Variants in ATRX observed in about 807,000 individuals in gnomAD.
ATRX encodes chromatin remodeler ATRX.
A neutral mutation model predicts 172.6 loss-of-function variants in ATRX; 12 were observed. The ratio of observed to expected loss-of-function variants is 0.07; its 90% CI spans 0.04 to 0.11. The LOEUF is 0.11. ATRX is among the 10% of genes least tolerant of loss of function. The pLI is 1.00. For missense variants in ATRX, 1,368 were observed against 1,767.4 expected (o/e 0.77, Z 4.05); for synonymous variants, 674 against 594.7 (o/e 1.13, Z -1.94).
intron 1 of ATRX, among the ~76,000 whole-genome samples, chrX:77,757,087 A>G (rs1289975427): frequency 4.0e-5 from 4 of 101,072 alleles, no homozygotes; most frequent in Non-Finnish European, 5.7e-5. Context: ...CACCCGACCT[A>G]TATCTTTTGA....
At chrX:77,669,473 G>A (rs1557128298) in intron 10 of ATRX, among the ~76,000 whole-genome samples, 2 of 110,162 alleles carry the variant, frequency 1.8e-5, no homozygotes, top group African/African-American at 6.6e-5. Context: ...ACAGGTGTGT[G>A]CCACCACACC....
intron 1 of ATRX, among the ~76,000 whole-genome samples, chrX:77,766,750 C>T (rs1230494151): frequency 1.5e-4 from 16 of 106,193 alleles, no homozygotes; most frequent in African/African-American, 5.2e-4. Context: ...GGCAGCCAGG[C>T]AGAGGGGCTC....
At chrX:77,554,815 C>T (rs2064709001) in intron 30 of ATRX, among the ~76,000 whole-genome samples, 1 of 112,236 alleles carries the variant, frequency 8.9e-6, no homozygotes, top group South Asian at 3.7e-4. Flanking sequence ...AAGAATGTTA[C>T]TTTTTTCTCC....
chrX:77,740,972 G>C (rs1324902956), intron 1 of ATRX, among the ~76,000 whole-genome samples: 2 of 110,041 alleles, frequency 1.8e-5, no homozygotes, highest in Non-Finnish European at 3.8e-5. Flanking sequence ...AAAAATAAAA[G>C]TGAGAGGCTC....
chrX:77,523,880 T>C (rs2063305132), intron 30 of ATRX, among the ~76,000 whole-genome samples: 1 of 111,634 alleles, frequency 9.0e-6, no homozygotes, highest in Non-Finnish European at 1.9e-5. Context: ...TAAACAGTTA[T>C]AGGAGAGTTT....
intron 5 of ATRX, among the ~76,000 whole-genome samples, chrX:77,694,616 T>C (rs1557148811): frequency 9.0e-6 from 1 of 110,922 alleles, no homozygotes; most frequent in Non-Finnish European, 1.9e-5. Flanking sequence ...AGAATGTCCT[T>C]CCTTAACTAT....
At chrX:77,598,026 A>G (rs1557084866) in intron 25 of ATRX, among the ~76,000 whole-genome samples, 1 of 112,133 alleles carries the variant, frequency 8.9e-6, no homozygotes, top group African/African-American at 3.2e-5. Flanking sequence ...AAAACATGGA[A>G]TCAACCCAGG....
At chrX:77,634,110 C>G (rs1429164329) in intron 17 of ATRX, among the ~76,000 whole-genome samples, 1 of 108,992 alleles carries the variant, frequency 9.2e-6, no homozygotes, top group Non-Finnish European at 1.9e-5. Flanking sequence ...TTTAAAAGTA[C>G]AAATACATTC....
At chrX:77,590,180 G>C (rs963240930) in intron 26 of ATRX, among the ~76,000 whole-genome samples, 3 of 111,500 alleles carry the variant, frequency 2.7e-5, no homozygotes, top group Admixed American at 1.9e-4. Context: ...TACTTACAAA[G>C]TTACAGTAAC....
In ATRX at chrX:77,681,902, T is replaced by C. The variant is rs782260725; in HGVS notation, c.3354A>G (p.Lys1118=). Residue 1118 remains lysine (K), a synonymous_variant, in exon 9 of 35, where the codon AAA becomes AAG. Transcript: ENST00000373344. ...SSSDTEKYSM[K]EDGCNSSDKR... ...TATCAGAAGAGTTACAACCATCTTC[T>C]TTCATGGAATATTTCTCAGTATCAG... is the stretch of plus-strand genomic sequence containing the variant. 5.0e-6 allele frequency: 6 copies of C among 1,210,770 alleles called. No individual in the cohort carries two copies. The highest frequency in any genetic ancestry group is 6.7e-6 in the Non-Finnish European group (6 of 895,010).
intron 2 of ATRX, among the ~76,000 whole-genome samples, chrX:77,712,446 TA>T (rs2073157490): frequency 1.8e-5 from 2 of 112,585 alleles, no homozygotes; most frequent in South Asian, 7.3e-4. Context: ...AATACTGAAC[TA>T]TAGTTACGTT....
At position 77,682,155 on chromosome X, in the gene ATRX, T is replaced by C. The variant is rs1453048739; in HGVS notation, c.3101A>G (p.Gln1034Arg). 6 of 1,209,657 alleles carry C rather than the reference T, an allele frequency of 5.0e-6. No homozygotes were observed. In the South Asian group the frequency reaches 8.8e-5, roughly 18 times the overall value. Residue 1034 changes from glutamine (Q) to arginine (R), a missense_variant, in exon 9 of 35, where the codon CAA (glutamine) becomes CGA (arginine). By Grantham distance (43) the Gln-to-Arg change is conservative (BLOSUM62 1). Around this residue, in one of 17 missense-constraint regions of ATRX, gnomAD observed 843 missense variants for 643.1 expected, o/e 1.31. Transcript: ENST00000373344. Reference protein sequence around the residue: ...EICHFPKGIKQIKNGTTDGEK... With the variant: ...EICHFPKGIKRIKNGTTDGEK... ...TCCATCAGTTGTTCCATTCTTAATT[T>C]GTTTTATGCCCTTAGGAAAATGACA... is the stretch of plus-strand genomic sequence containing the variant.
At chrX:77,542,806 C>T (rs1343648775) in intron 30 of ATRX, among the ~76,000 whole-genome samples, 3 of 111,861 alleles carry the variant, frequency 2.7e-5, no homozygotes, top group African/African-American at 9.8e-5. Context: ...ACACCTTATA[C>T]AAAAATTAAG....
At chrX:77,714,839 AG>A (rs2073294296) in intron 2 of ATRX, among the ~76,000 whole-genome samples, 1 of 112,120 alleles carries the variant, frequency 8.9e-6, no homozygotes, top group African/African-American at 3.2e-5. Context: ...CCTGAATTTA[AG>A]GGGGAAAAAC....
At chrX:77,510,590 T>C (rs1351351483) in intron 34 of ATRX, among the ~76,000 whole-genome samples, 1 of 98,720 alleles carries the variant, frequency 1.0e-5, no homozygotes, top group African/African-American at 3.8e-5. Flanking sequence ...GTAGTCCTGG[T>C]AGCATTTAAC....
chrX:77,590,052 T>A (rs1288149185), intron 26 of ATRX, 112 bp from the exon 27 acceptor site: 1 of 669,112 alleles, frequency 1.5e-6, no homozygotes, highest in Admixed American at 2.9e-5. Flanking sequence ...CCAGCAGGAT[T>A]TTTTTGTAGA....
rs782110483 is a variant in ATRX at position 77,683,047 on chromosome X, T to C, written c.2209A>G (p.Ile737Val). The change falls in exon 9 of 35, where the codon ATC becomes GTC. Residue 737 changes from isoleucine to valine, a missense_variant. Around this residue, in one of 17 missense-constraint regions of ATRX, gnomAD observed 843 missense variants for 643.1 expected, o/e 1.31. Coordinates refer to ENST00000373344, the MANE Select transcript of ATRX (RefSeq NM_000489.6). The part of the protein sequence containing the change: ...QNSDSDEMLA[I>V]LKEVSRMSHS... ...CTCATCCTGCTCACCTCTTTGAGGATTGCTAGCATTTCATCAGAATCTGAA... is the reference window on the plus strand; with the variant it reads ...CTCATCCTGCTCACCTCTTTGAGGACTGCTAGCATTTCATCAGAATCTGAA... The C allele has an allele frequency of 9.1e-6, 11 of 1,208,590 alleles. No individual in the cohort carries two copies. Among genetic ancestry groups the C allele is most frequent in the African/African-American group, 8.7e-5 (5 of 57,151 alleles).
At chrX:77,569,139 C>A (rs1009816583) in intron 28 of ATRX, among the ~76,000 whole-genome samples, 2 of 110,058 alleles carry the variant, frequency 1.8e-5, no homozygotes, top group Non-Finnish European at 3.8e-5. Context: ...AAAAACAACC[C>A]CCCCACCCAA....
rs1460456832 is a variant in ATRX at position 77,620,504 on chromosome X, G to A, written c.5163C>T (p.Gly1721=). ...CAGATGCTTCATTTTTTAGAATATGGCCTTCATCACAAACAACAAAATCAG... is the reference window on the plus strand; with the variant it reads ...CAGATGCTTCATTTTTTAGAATATGACCTTCATCACAAACAACAAAATCAG... ...PGPDFVVCDE[G]HILKNEASAV... Residue 1721 remains glycine (G), a synonymous_variant, in exon 20 of 35, where the codon GGC becomes GGT. Transcript: ENST00000373344. 1 of 1,204,014 alleles carries A rather than the reference G, an allele frequency of 8.3e-7. No individual in the cohort carries two copies. Among genetic ancestry groups the A allele is most frequent in the African/African-American group, 1.8e-5 (1 of 56,890 alleles).
Sources: gnomAD v4.1 joint callset for allele counts (sites outside exome capture counted in the v4.1 genomes callset) on GRCh38, gnomAD v4.1.1 for gene constraint, gnomAD v4.1.1 regional missense constraint, MANE v1.5 for transcripts, NCBI Gene and HGNC (gene_info 2026-07-23, HGNC 2026-07-21) for gene names.